Variants in VAT1L observed in about 807,000 individuals in gnomAD.
VAT1L encodes the protein putative NADPH-dependent quinone oxidoreductase VAT1L.
In VAT1L, 34 loss-of-function variants were observed where a neutral mutation model predicts 44.1. The ratio of observed to expected loss-of-function variants is 0.77; its 90% CI spans 0.59 to 1.03. The LOEUF (loss-of-function observed/expected upper bound fraction) is 1.03, where lower values mean the gene tolerates loss of function less well. Among genes scored for constraint, VAT1L ranks in the 50% least tolerant of loss-of-function variants. VAT1L has a pLI of 0.00. For missense variants in VAT1L, 615 were observed against 538.8 expected (o/e 1.14, Z -1.40); for synonymous variants, 253 against 202.2 (o/e 1.25, Z -2.13).
chr16:77,841,013 T>C (rs2016698816), intron 3 of VAT1L, among the ~76,000 whole-genome samples: 1 of 152,226 alleles, frequency 6.6e-6, no homozygotes, highest in South Asian at 2.1e-4. Flanking sequence ...GCTTCAAACC[T>C]TAAGCAAGCT....
chr16:77,803,746 C>T (rs2016107681), intron 1 of VAT1L, among the ~76,000 whole-genome samples: 1 of 152,088 alleles, frequency 6.6e-6, no homozygotes, highest in Non-Finnish European at 1.5e-5. Context: ...GCAGTAATGT[C>T]TTAGGAAATA....
intron 7 of VAT1L, among the ~76,000 whole-genome samples, chr16:77,926,759 G>C (rs1203881388): frequency 6.6e-6 from 1 of 152,130 alleles, no homozygotes; most frequent in African/African-American, 2.4e-5. Context: ...GCCCCCTCTA[G>C]AACTCTGGCT....
intron 3 of VAT1L, among the ~76,000 whole-genome samples, chr16:77,836,640 A>T (rs1179070912): frequency 6.6e-6 from 1 of 152,186 alleles, no homozygotes; most frequent in Non-Finnish European, 1.5e-5. Flanking sequence ...CCAACAGCAC[A>T]TGACTGGATT....
At chr16:77,871,143 G>A (rs903436632) in intron 4 of VAT1L, among the ~76,000 whole-genome samples, 2 of 152,132 alleles carry the variant, frequency 1.3e-5, no homozygotes. Context: ...TTGACAGAAA[G>A]AGCAAAAGCA....
intron 7 of VAT1L, among the ~76,000 whole-genome samples, chr16:77,962,775 G>GGAAGGAAGGAAA (rs1317695783): frequency 2.0e-5 from 3 of 147,096 alleles, no homozygotes; most frequent in Non-Finnish European, 3.0e-5. Flanking sequence ...AAGGAAGGAA[G>GGAAGGAAGGAAA]GAAAGAAAGA....
chr16:77,925,167 C>A (rs536060825), intron 7 of VAT1L, among the ~76,000 whole-genome samples: 41 of 152,214 alleles, frequency 2.7e-4, no homozygotes, highest in Admixed American at 5.2e-4. Flanking sequence ...GTCAGGCAAG[C>A]AAGGTACCTA....
intron 1 of VAT1L, among the ~76,000 whole-genome samples, chr16:77,815,107 A>T (rs893876989): frequency 6.6e-6 from 1 of 152,174 alleles, no homozygotes; most frequent in South Asian, 2.1e-4. Flanking sequence ...TGGGATTTGT[A>T]CCCCAGTCTC....
chr16:77,862,433 G>A (rs1005579107), intron 3 of VAT1L, among the ~76,000 whole-genome samples: 2 of 151,902 alleles, frequency 1.3e-5, no homozygotes, highest in Non-Finnish European at 2.9e-5. Context: ...TGGGCAACAC[G>A]GTGAAACCCC....
At chr16:77,954,583 C>T (rs1271173688) in intron 7 of VAT1L, among the ~76,000 whole-genome samples, 1 of 152,146 alleles carries the variant, frequency 6.6e-6, no homozygotes. Context: ...CAAGATCGTG[C>T]CACTGTAGTC....
intron 7 of VAT1L, among the ~76,000 whole-genome samples, chr16:77,956,325 A>G (rs957352952): frequency 2.0e-5 from 3 of 152,168 alleles, no homozygotes; most frequent in Non-Finnish European, 4.4e-5. Flanking sequence ...TCCTTGAACA[A>G]CAGAGACTCA....
At position 77,979,221 on chromosome 16, in the gene VAT1L, A is replaced by G. The variant is rs2018373571; in HGVS notation, c.*1526A>G. 1 of 152,592 alleles carries G rather than the reference A, an allele frequency of 6.6e-6. No homozygotes were observed. The highest frequency in any genetic ancestry group is 1.5e-5 in the Non-Finnish European group (1 of 68,026). 9.5% of individuals were successfully genotyped at this position (152,592 alleles called of 1,614,324 possible). On this transcript the variant is annotated 3_prime_UTR_variant, in exon 9 of 9. Coordinates refer to ENST00000302536, the MANE Select transcript of VAT1L (RefSeq NM_020927.3). ...CTTATGATGATGAGTTATGTATGCC[A>G]AATACTTATCTGAAGAGTTTCTCCT...
At chr16:77,818,561 C>G (rs9923793) in intron 2 of VAT1L, among the ~76,000 whole-genome samples, 2,568 of 152,246 alleles carry the variant, frequency 0.017, 77 homozygotes, top group African/African-American at 0.057. Context: ...TCCGTTAACC[C>G]CAAGCATTGA....
intron 3 of VAT1L, among the ~76,000 whole-genome samples, chr16:77,831,327 G>A (rs866107420): frequency 6.6e-6 from 1 of 152,208 alleles, no homozygotes; most frequent in Non-Finnish European, 1.5e-5. Context: ...AGGCAGAGAA[G>A]AAAGAGAGCA....
intron 1 of VAT1L, 148 bp from the exon 2 acceptor site, chr16:77,816,773 C>G (rs2016362444): frequency 4.0e-6 from 4 of 1,012,496 alleles, no homozygotes; most frequent in Non-Finnish European, 2.8e-6. Flanking sequence ...ATTAGGGATA[C>G]TTTGCCAAAA....
rs147640676 is a variant in VAT1L at position 77,862,183 on chromosome 16, C to T, written c.580-565C>T. Among the ~76,000 whole-genome samples the T allele has an allele frequency of 1.4e-4, 22 of 152,266 alleles. No individual in the cohort carries two copies. The East Asian group carries it at 2.9e-3, about 20-fold the overall frequency. ...AGGACATTTTGTCCTTCCACCAAGG[C>T]GACACTTTGCAATGTCTGGATACAT... is the stretch of plus-strand genomic sequence containing the variant. On this transcript the variant is annotated intron_variant, in intron 3 of 8. Coordinates refer to ENST00000302536, the MANE Select transcript of VAT1L (RefSeq NM_020927.3).
At chr16:77,964,678 C>G (rs1483303657) in intron 7 of VAT1L, among the ~76,000 whole-genome samples, 1 of 151,432 alleles carries the variant, frequency 6.6e-6, no homozygotes, top group Non-Finnish European at 1.5e-5. Flanking sequence ...TGAGGTCATT[C>G]TGTCTGCTTT....
chr16:77,874,226 T>G (rs1220360813), intron 4 of VAT1L, among the ~76,000 whole-genome samples: 1 of 151,984 alleles, frequency 6.6e-6, no homozygotes. Flanking sequence ...GGAGAGGTCT[T>G]GGAGAAATGC....
intron 7 of VAT1L, among the ~76,000 whole-genome samples, chr16:77,919,415 G>C (rs572271315): frequency 3.5e-4 from 53 of 152,346 alleles, no homozygotes; most frequent in African/African-American, 1.2e-3. Context: ...TTCAGCAACA[G>C]TGTTGCCAGG....
intron 7 of VAT1L, among the ~76,000 whole-genome samples, chr16:77,897,137 A>C (rs1331802508): frequency 3.3e-5 from 5 of 152,200 alleles, no homozygotes; most frequent in African/African-American, 9.7e-5. Flanking sequence ...GCTGCAGACC[A>C]AGATTCTTGA....
Sources: allele counts gnomAD v4.1 joint callset (sites outside exome capture counted in the v4.1 genomes callset), GRCh38; gene constraint gnomAD v4.1.1; transcripts MANE v1.5; gene names NCBI Gene and HGNC (gene_info 2026-07-23, HGNC 2026-07-21).